Variants in GRIP1 observed in about 807,000 individuals in gnomAD.
The protein encoded by GRIP1 is glutamate receptor interacting protein 1.
GRIP1 carries 45 observed loss-of-function variants against 129.9 expected under a neutral mutation model. The observed-to-expected ratio is 0.35, with a 90% CI of 0.27 to 0.44. GRIP1 has a LOEUF of 0.44. Among genes scored for constraint, GRIP1 ranks in the 20% least tolerant of loss-of-function variants. The pLI, the probability that GRIP1 is intolerant of heterozygous loss-of-function variation, is 1.00. For missense variants in GRIP1, 1,196 were observed against 1,396.8 expected (o/e 0.86, Z 2.29); for synonymous variants, 530 against 520.8 (o/e 1.02, Z -0.24).
chr12:66,391,107 A>G (rs1162493945), intron 19 of GRIP1, among the ~76,000 whole-genome samples: 1 of 152,136 alleles, frequency 6.6e-6, no homozygotes, highest in Admixed American at 6.5e-5. Context: ...GCAGGCTGAG[A>G]GAAGGAAACT....
intron 1 of GRIP1, among the ~76,000 whole-genome samples, chr12:67,010,820 C>T (rs1271063294): frequency 6.6e-6 from 1 of 151,962 alleles, no homozygotes; most frequent in Admixed American, 6.6e-5. Context: ...ACTGTCTCCC[C>T]CCCAGCGCAG....
At chr12:66,712,813 C>T (rs1456791968) in intron 1 of GRIP1, among the ~76,000 whole-genome samples, 1 of 151,962 alleles carries the variant, frequency 6.6e-6, no homozygotes, top group Admixed American at 6.6e-5. Flanking sequence ...GCCCAAGGCT[C>T]AGCACTTATT....
chr12:66,772,612 C>G (rs541276135), intron 1 of GRIP1, among the ~76,000 whole-genome samples: 26 of 152,280 alleles, frequency 1.7e-4, no homozygotes, highest in Admixed American at 1.4e-3. Flanking sequence ...AAGACTTGAT[C>G]TGAAAAGGTA....
chr12:66,527,372 T>C (rs2061284839), intron 5 of GRIP1, among the ~76,000 whole-genome samples: 1 of 152,080 alleles, frequency 6.6e-6, no homozygotes. Context: ...TCATGTCCTT[T>C]ATAGGGACAT....
At chr12:66,456,395 G>A in intron 9 of GRIP1, 53 bp from the exon 10 acceptor site, 18 of 1,035,440 alleles carry the variant, frequency 1.7e-5, no homozygotes, top group Admixed American at 1.1e-4. Context: ...AACAAACAAA[G>A]AACCAAAAAA....
chr12:66,817,403 A>G (rs1287020623), intron 1 of GRIP1, among the ~76,000 whole-genome samples: 1 of 151,952 alleles, frequency 6.6e-6, no homozygotes, highest in Non-Finnish European at 1.5e-5. Context: ...AAAACTGAAA[A>G]TTTTATTGTA....
In GRIP1 at chr12:66,379,509, A is replaced by G. The variant is rs944784012; in HGVS notation, c.2465-73T>C. 3.5e-6 allele frequency: 5 copies of G among 1,426,090 alleles called. No individual in the cohort carries two copies. The African/African-American group carries it at 5.7e-5, about 16-fold the overall frequency. 88.3% of individuals were successfully genotyped at this position (1,426,090 alleles called of 1,614,324 possible). ...CCATTGAGAAATGACATTGTTAACC[A>G]GTAGAGGAGTCAAATTATAACGGCA... On this transcript the variant is annotated intron_variant, in intron 19 of 24. Transcript: ENST00000359742.
chr12:67,041,974 G>A (rs1592505376), intron 1 of GRIP1, among the ~76,000 whole-genome samples: 1 of 152,186 alleles, frequency 6.6e-6, no homozygotes, highest in Non-Finnish European at 1.5e-5. Context: ...CATTTTAACA[G>A]TGCTAAGAGG....
intron 5 of GRIP1, among the ~76,000 whole-genome samples, chr12:66,523,558 C>T (rs1450005577): frequency 6.6e-6 from 1 of 151,756 alleles, no homozygotes; most frequent in Non-Finnish European, 1.5e-5. Context: ...ACAACTGGTA[C>T]CAGCCGCTGC....
chr12:67,007,152 G>C (rs1311890776), intron 1 of GRIP1, among the ~76,000 whole-genome samples: 1 of 152,176 alleles, frequency 6.6e-6, no homozygotes, highest in Non-Finnish European at 1.5e-5. Context: ...GTGATGGGCA[G>C]AGGGTAGAGG....
chr12:66,839,056 A>C (rs1162491201), intron 1 of GRIP1, among the ~76,000 whole-genome samples: 1 of 152,210 alleles, frequency 6.6e-6, no homozygotes, highest in Non-Finnish European at 1.5e-5. Context: ...TGTCACTGCA[A>C]TACTGAGCAT....
chr12:67,047,503 T>C (rs1327585469), intron 1 of GRIP1, among the ~76,000 whole-genome samples: 2 of 152,146 alleles, frequency 1.3e-5, no homozygotes, highest in Non-Finnish European at 1.5e-5. Context: ...GCATTTCCCA[T>C]GTTATGCAAA....
intron 1 of GRIP1, among the ~76,000 whole-genome samples, chr12:66,812,282 C>A (rs1471741175): frequency 6.6e-6 from 1 of 152,108 alleles, no homozygotes; most frequent in African/African-American, 2.4e-5. Flanking sequence ...TACAGGCACC[C>A]ACCACCATGC....
chr12:67,011,886 G>A (rs2042713776), intron 1 of GRIP1, among the ~76,000 whole-genome samples: 1 of 152,178 alleles, frequency 6.6e-6, no homozygotes, highest in South Asian at 2.1e-4. Context: ...TGCTGTTGTA[G>A]TACAAAAGCA....
At chr12:66,937,321 A>G (rs2041502768) in intron 1 of GRIP1, among the ~76,000 whole-genome samples, 1 of 152,190 alleles carries the variant, frequency 6.6e-6, no homozygotes, top group Non-Finnish European at 1.5e-5. Flanking sequence ...GACATACTAC[A>G]TGTGACAATG....
intron 19 of GRIP1, among the ~76,000 whole-genome samples, chr12:66,384,186 C>G (rs1312016673): frequency 8.2e-6 from 1 of 121,458 alleles, no homozygotes; most frequent in African/African-American, 3.2e-5. Flanking sequence ...ATCTGACTTG[C>G]GTCTTATTTA....
intron 1 of GRIP1, among the ~76,000 whole-genome samples, chr12:66,943,932 T>G (rs2041627266): frequency 6.6e-6 from 1 of 152,222 alleles, no homozygotes; most frequent in Admixed American, 6.5e-5. Context: ...TTCTTAAGAT[T>G]CACTTGACCC....
At chr12:66,964,931 G>A (rs2041974031) in intron 1 of GRIP1, among the ~76,000 whole-genome samples, 1 of 152,036 alleles carries the variant, frequency 6.6e-6, no homozygotes, top group African/African-American at 2.4e-5. Flanking sequence ...TGTTTCTGGT[G>A]TCTCTTTGTG....
At chr12:66,465,178 T>C in intron 8 of GRIP1, 97 bp downstream of exon 8, 1 of 974,598 alleles carries the variant, frequency 1.0e-6, no homozygotes. Flanking sequence ...ACTCCTGACC[T>C]CAGGTGATTC....
Sources: gnomAD v4.1 joint callset for allele counts (sites outside exome capture counted in the v4.1 genomes callset) on GRCh38, gnomAD v4.1.1 for gene constraint, MANE v1.5 for transcripts, NCBI Gene and HGNC (gene_info 2026-07-23, HGNC 2026-07-21) for gene names.